GTF3C1: variants seen among roughly 807,000 people sequenced by gnomAD.
GTF3C1 encodes general transcription factor IIIC subunit 1.
GTF3C1 carries 57 observed loss-of-function variants against 226.7 expected under a neutral mutation model. The observed-to-expected ratio is 0.25, with a 90% CI of 0.20 to 0.31. The LOEUF is 0.31. Ranked by LOEUF, GTF3C1 falls within the 10% of genes least tolerant of loss-of-function variation. The pLI is 1.00. For synonymous variants in GTF3C1, 1,090 were observed against 1,084.8 expected, an observed-to-expected ratio of 1.00 and a Z score of -0.09; for missense variants, 2,217 against 2,776.1, an observed-to-expected ratio of 0.80 and a Z score of 4.53.
chr16:27,505,594 C>G (rs1457556796), intron 10 of GTF3C1, among the ~76,000 whole-genome samples: 1 of 152,176 alleles, frequency 6.6e-6, no homozygotes, highest in Non-Finnish European at 1.5e-5. Context: ...GGGTAAGAAC[C>G]ATTGATCTAA....
At chr16:27,526,851 C>T (rs1300349403) in intron 6 of GTF3C1, among the ~76,000 whole-genome samples, 1 of 152,222 alleles carries the variant, frequency 6.6e-6, no homozygotes, top group African/African-American at 2.4e-5. Context: ...CTCTGACCTG[C>T]AGCTTTTAAA....
chr16:27,470,309 T>C lies in GTF3C1; in HGVS notation c.4613A>G (p.Gln1538Arg). 6.2e-7 allele frequency: 1 copy of C among 1,613,748 alleles called. No homozygotes were observed. Residue 1538 changes from glutamine to arginine, a missense_variant, in exon 31 of 37, where the codon CAG becomes CGG. By Grantham distance (43) the Gln-to-Arg change is conservative. Transcript: ENST00000356183. The surrounding 1 kb of genome is among the most constrained non-coding windows in gnomAD (Gnocchi z 4.9). ...DRMRAAGKLD[Q>R]PDRFSFKDQD... ...GTCTTTGAAAGAGAAACGATCAGGC[T>C]GGTCCAACTTGCCGGCAGCCCGCAT...
Position 27,500,358 on chromosome 16 carries a change from T to C in GTF3C1, c.2061+833A>G, listed in dbSNP as rs539267503. On this transcript the variant is annotated intron_variant, in intron 12 of 36. Transcript: ENST00000356183. Reference sequence around the variant, plus strand: ...AAATACTTATAGCAGACATAAAAACTGATGAGAGCTGTCAATGTGGAAAGG... The same window carrying C: ...AAATACTTATAGCAGACATAAAAACCGATGAGAGCTGTCAATGTGGAAAGG... 2.2e-4 allele frequency among the ~76,000 whole-genome samples: 34 copies of C among 152,310 alleles called. No individual in the cohort carries two copies. The South Asian group carries it at 6.8e-3, about 31-fold the overall frequency.
chr16:27,505,775 G>C lies in GTF3C1; in HGVS notation c.1770+124C>G. On this transcript the variant is annotated intron_variant, in intron 10 of 36. Transcript: ENST00000356183. ...AGCTACTGCCTGGGAAGCACAGGCA[G>C]GCCTCGGCACGCAGCACTCTCGCTG... 4.5e-6 allele frequency: 3 copies of C among 660,688 alleles called. No homozygotes were observed. The Admixed American group carries it at 7.1e-5, about 16-fold the overall frequency. 40.9% of individuals were successfully genotyped at this position (660,688 alleles called of 1,614,324 possible).
At chr16:27,505,710 G>C (rs1021156977) in intron 10 of GTF3C1, among the ~76,000 whole-genome samples, 189 bp downstream of exon 10, 15 of 152,236 alleles carry the variant, frequency 9.9e-5, no homozygotes, top group African/African-American at 3.6e-4. Context: ...TCTCTGCGTA[G>C]GGCCCAGGCT....
In GTF3C1 at chr16:27,470,676, G is replaced by A; in HGVS notation, c.4527-281C>T. On this transcript the variant is annotated intron_variant, in intron 30 of 36. Transcript: ENST00000356183. The surrounding 1 kb of genome is among the most constrained non-coding windows in gnomAD (Gnocchi z 4.9). ...CTGGCGCTCCAGGAGGGCGCTGGCA[G>A]GCTCACCTTACAGGGGCTCACTGTA... 2.3e-6 allele frequency: 1 copy of A among 439,750 alleles called. No homozygotes were observed. The highest frequency in any genetic ancestry group is 2.4e-5 in the South Asian group (1 of 41,910). 27.2% of individuals were successfully genotyped at this position (439,750 alleles called of 1,614,324 possible).
intron 2 of GTF3C1, 99 bp from the exon 3 acceptor site, chr16:27,538,455 C>A (rs2141455020): frequency 1.4e-6 from 1 of 733,300 alleles, no homozygotes; most frequent in South Asian, 2.2e-5. Flanking sequence ...TTTCCTGCTT[C>A]TGCTAGGAGT....
Position 27,492,226 on chromosome 16 carries a change from C to G in GTF3C1, c.3151+112G>C. 4.3e-6 allele frequency: 3 copies of G among 690,916 alleles called. No homozygotes were observed. Among genetic ancestry groups the G allele is most frequent in the Non-Finnish European group, 7.6e-6 (3 of 393,654 alleles). 42.8% of individuals were successfully genotyped at this position (690,916 alleles called of 1,614,324 possible). On this transcript the variant is annotated intron_variant, in intron 19 of 36. Transcript: ENST00000356183. This position sits in a 1 kb window ranked among gnomAD's most constrained non-coding sequence, Gnocchi z 5.0. Reference sequence around the variant, plus strand: ...GTGCTCTGGGCCTCTGGGGAGCACTCGGAACATACCACTGGTTGAGGCAAC... The same window carrying G: ...GTGCTCTGGGCCTCTGGGGAGCACTGGGAACATACCACTGGTTGAGGCAAC...
Position 27,488,639 on chromosome 16 carries a change from T to C in GTF3C1, c.3430-4A>G, listed in dbSNP as rs2088180871. The C allele has an allele frequency of 6.2e-7, 1 of 1,610,014 alleles. No individual in the cohort carries two copies. Among genetic ancestry groups the C allele is most frequent in the Non-Finnish European group, 8.5e-7 (1 of 1,177,762 alleles). On this transcript the variant is annotated splice_polypyrimidine_tract_variant and splice_region_variant and intron_variant, in intron 21 of 36. Transcript: ENST00000356183. ...CATTCTCTGCGGCAGTGTTCTCCTG[T>C]GAGACAAGCACAGCACTGGGATGAA...
At chr16:27,486,821 C>T (rs1312605184) in intron 23 of GTF3C1, among the ~76,000 whole-genome samples, 1 of 152,246 alleles carries the variant, frequency 6.6e-6, no homozygotes, top group Non-Finnish European at 1.5e-5. Context: ...GCTTTTTCAA[C>T]ATATTATCTT....
At chr16:27,498,316 A>C (rs2088351282) in intron 13 of GTF3C1, among the ~76,000 whole-genome samples, 1 of 152,200 alleles carries the variant, frequency 6.6e-6, no homozygotes, top group Admixed American at 6.5e-5. Context: ...ATTAGAAAAG[A>C]TCTGAGAAAG....
intron 5 of GTF3C1, among the ~76,000 whole-genome samples, chr16:27,531,385 G>A (rs1342054618): frequency 6.6e-6 from 1 of 152,176 alleles, no homozygotes; most frequent in Non-Finnish European, 1.5e-5. Context: ...CTTCCCCTCT[G>A]TCTATGTGGG....
At chr16:27,546,360 A>G (rs1004906892) in intron 1 of GTF3C1, among the ~76,000 whole-genome samples, 1 of 151,744 alleles carries the variant, frequency 6.6e-6, no homozygotes, top group South Asian at 2.1e-4. Flanking sequence ...CCCAGCTCCA[A>G]TTAAGTCCCT....
chr16:27,496,321 G>A (rs2088316024), intron 14 of GTF3C1, among the ~76,000 whole-genome samples: 1 of 152,138 alleles, frequency 6.6e-6, no homozygotes, highest in South Asian at 2.1e-4. Context: ...TAATAAGAAC[G>A]ACCTAACAGA....
intron 24 of GTF3C1, 118 bp from the exon 25 acceptor site, chr16:27,484,471 C>T (rs2088104429): frequency 6.0e-6 from 4 of 670,306 alleles, no homozygotes; most frequent in Non-Finnish European, 2.7e-6. Flanking sequence ...TCAGAGAATC[C>T]CCACAACTGT....
At position 27,464,382 on chromosome 16, in the gene GTF3C1, G is replaced by A; in HGVS notation, c.5810C>T (p.Ser1937Phe). Residue 1937 changes from serine (S) to phenylalanine (F), a missense_variant, in exon 34 of 37, where the codon TCC becomes TTC. Ser to Phe is a radical substitution (Grantham distance 155, BLOSUM62 -2). Transcript: ENST00000356183. ...GCCGCTCAGCTGCTCTTGGCCTGGG[G>A]AACTGAACTCACCGACACCCTCTTG... ...EDQEGVGEFS[S>F]PGQEQLSGQA... is the part of the protein sequence containing the mutation. 6.3e-7 allele frequency: 1 copy of A among 1,590,890 alleles called. No individual in the cohort carries two copies. The highest frequency in any genetic ancestry group is 1.1e-5 in the South Asian group (1 of 87,262).
At chr16:27,465,662 A>G (rs2141342408) in intron 32 of GTF3C1, 122 bp from the exon 33 acceptor site, 1 of 763,010 alleles carries the variant, frequency 1.3e-6, no homozygotes, top group East Asian at 2.7e-5. Flanking sequence ...CCCGACAGCC[A>G]CAGGGGTCAC....
chr16:27,463,816 C>A lies in GTF3C1; in HGVS notation c.5873-224G>T. ...CGCCACATGCAAGCAGCGTCCCAGG[C>A]CCGGACAAGCCCCACATTGCAGGAA... is the stretch of plus-strand genomic sequence containing the variant. On this transcript the variant is annotated intron_variant, in intron 34 of 36. Coordinates refer to ENST00000356183, the MANE Select transcript of GTF3C1 (RefSeq NM_001520.4). This position sits in a 1 kb window ranked among gnomAD's most constrained non-coding sequence, Gnocchi z 4.9. 1 of 562,262 alleles carries A rather than the reference C, an allele frequency of 1.8e-6. No individual in the cohort carries two copies. The highest frequency in any genetic ancestry group is 3.1e-6 in the Non-Finnish European group (1 of 321,382). The allele number at this position is 562,262 out of a possible 1,614,324, so 34.8% of individuals were successfully genotyped here.
intron 2 of GTF3C1, among the ~76,000 whole-genome samples, chr16:27,542,205 C>T (rs941865761): frequency 6.6e-6 from 1 of 152,032 alleles, no homozygotes; most frequent in Non-Finnish European, 1.5e-5. Flanking sequence ...GAATAAAGAA[C>T]GAGAAAAGGC....
Sources: gnomAD v4.1 joint callset for allele counts (sites outside exome capture counted in the v4.1 genomes callset) on GRCh38, gnomAD v4.1.1 for gene constraint, Gnocchi (gnomAD v3.1) non-coding constraint, MANE v1.5 for transcripts, NCBI Gene and HGNC (gene_info 2026-07-23, HGNC 2026-07-21) for gene names.